NELL1: variants seen among roughly 807,000 people sequenced by gnomAD.
NELL1 encodes the protein protein kinase C-binding protein NELL1.
In NELL1, 76 loss-of-function variants were observed where a neutral mutation model predicts 107.4. That is an observed-to-expected ratio of 0.71 (90% CI 0.59 to 0.86). NELL1 has a LOEUF of 0.86. Ranked by LOEUF, NELL1 falls within the 40% of genes least tolerant of loss-of-function variation. The pLI is 0.00. For synonymous variants in NELL1, 353 were observed against 341.2 expected, an observed-to-expected ratio of 1.03 and a Z score of -0.38; for missense variants, 1,024 against 1,005.5, an observed-to-expected ratio of 1.02 and a Z score of -0.25.
intron 2 of NELL1, 39 bp from the exon 3 acceptor site, chr11:20,783,641 C>T (rs1856894805): frequency 2.0e-6 from 3 of 1,523,366 alleles, no homozygotes; most frequent in Non-Finnish European, 1.8e-6. Context: ...TTCCTCTTCT[C>T]CTCTCCTGTT....
At chr11:21,298,335 A>G (rs1392224674) in intron 14 of NELL1, among the ~76,000 whole-genome samples, 1 of 151,846 alleles carries the variant, frequency 6.6e-6, no homozygotes, top group East Asian at 1.9e-4. Flanking sequence ...CTCTGAGCTC[A>G]TGTTTTATCA....
At chr11:21,487,907 A>G (rs894731122) in intron 15 of NELL1, among the ~76,000 whole-genome samples, 22 of 152,204 alleles carry the variant, frequency 1.4e-4, no homozygotes, top group African/African-American at 5.1e-4. Context: ...AACAGACTTT[A>G]CATCAAAAAC....
chr11:21,078,651 G>C (rs772852386), intron 12 of NELL1, among the ~76,000 whole-genome samples: 55 of 152,152 alleles, frequency 3.6e-4, no homozygotes, highest in Admixed American at 1.6e-3. Context: ...CATACACACA[G>C]AGATACACAC....
At chr11:20,930,056 A>G (rs1279163577) in intron 9 of NELL1, among the ~76,000 whole-genome samples, 1 of 152,058 alleles carries the variant, frequency 6.6e-6, no homozygotes, top group Non-Finnish European at 1.5e-5. Context: ...GAGTTCCTGC[A>G]TAGATCTCTG....
intron 2 of NELL1, among the ~76,000 whole-genome samples, chr11:20,749,313 G>T (rs1026818866): frequency 1.3e-5 from 2 of 151,994 alleles, no homozygotes; most frequent in African/African-American, 4.8e-5. Context: ...AAAAATTAAG[G>T]TATAGGTTGT....
chr11:20,796,529 C>T (rs566040168), intron 3 of NELL1, among the ~76,000 whole-genome samples: 1 of 131,266 alleles, frequency 7.6e-6, no homozygotes, highest in East Asian at 2.3e-4. Context: ...ATGAAGGGAG[C>T]AAATTGGAGA....
chr11:21,383,907 G>A (rs981814242), intron 15 of NELL1: 19 of 151,742 alleles, frequency 1.3e-4, no homozygotes, highest in African/African-American at 4.1e-4. Flanking sequence ...TATGGCCATA[G>A]ACTCATATTG....
intron 14 of NELL1, among the ~76,000 whole-genome samples, chr11:21,233,391 C>T (rs1277775921): frequency 6.6e-6 from 1 of 152,116 alleles, no homozygotes; most frequent in Non-Finnish European, 1.5e-5. Flanking sequence ...CCCTCCCTTT[C>T]CTCCTTTTCT....
At chr11:21,224,470 C>G (rs1243624413) in intron 13 of NELL1, among the ~76,000 whole-genome samples, 2 of 151,582 alleles carry the variant, frequency 1.3e-5, no homozygotes, top group African/African-American at 4.9e-5. Context: ...ATCCTCCTGT[C>G]TCAGCCTCCC....
chr11:20,916,295 G>C (rs1056933685), intron 5 of NELL1, among the ~76,000 whole-genome samples: 2 of 151,922 alleles, frequency 1.3e-5, no homozygotes, highest in African/African-American at 4.8e-5. Context: ...AGACAGGGAA[G>C]TAAGGAGAGA....
At chr11:20,859,032 T>G (rs1848931535) in intron 4 of NELL1, among the ~76,000 whole-genome samples, 1 of 152,220 alleles carries the variant, frequency 6.6e-6, no homozygotes, top group Non-Finnish European at 1.5e-5. Flanking sequence ...TTACCCCTGT[T>G]AGTACCTGTG....
Position 21,081,822 on chromosome 11 carries a change from T to TGAATAC in NELL1, c.1301-31766_1301-31761dup, listed in dbSNP as rs373178528. ...CGTAAAAAGTATAAATTAAATCATG[T>TGAATAC]GAATACTAACTGTGTGTTCAGGGAC... On this transcript the variant is annotated intron_variant, in intron 12 of 19. Coordinates refer to ENST00000357134, the MANE Select transcript of NELL1 (RefSeq NM_006157.5). Among the ~76,000 whole-genome samples the TGAATAC allele has an allele frequency of 3.6e-3, 542 of 152,330 alleles. 2 individuals carry two copies. Among genetic ancestry groups the TGAATAC allele is most frequent in the Non-Finnish European group, 6.3e-3 (429 of 68,028 alleles).
intron 14 of NELL1, among the ~76,000 whole-genome samples, chr11:21,321,434 G>T (rs1286834503): frequency 6.6e-6 from 1 of 152,108 alleles, no homozygotes; most frequent in African/African-American, 2.4e-5. Flanking sequence ...GGCAGGGGAG[G>T]AGGTCAACCA....
intron 2 of NELL1, among the ~76,000 whole-genome samples, chr11:20,770,357 G>A (rs1344886979): frequency 6.6e-6 from 1 of 152,156 alleles, no homozygotes; most frequent in African/African-American, 2.4e-5. Flanking sequence ...AAGAAAAACA[G>A]CAAGTCTGCC....
rs533293833 is a variant in NELL1 at position 21,311,522 on chromosome 11, C to T, written c.1550-59331C>T. Among the ~76,000 whole-genome samples, 3 of 152,082 alleles carry T rather than the reference C, an allele frequency of 2.0e-5. No individual in the cohort carries two copies. In the South Asian group the frequency reaches 6.2e-4, roughly 31 times the overall value. On this transcript the variant is annotated intron_variant, in intron 14 of 19. Transcript: ENST00000357134. The stretch of plus-strand genomic sequence containing the variant: ...TCTCTTTTTACACAAATATTAACAA[C>T]CTGCCACTGTGTAGCCGGGATCCTG...
intron 15 of NELL1, among the ~76,000 whole-genome samples, chr11:21,462,615 C>A (rs1223793105): frequency 1.3e-5 from 2 of 151,898 alleles, no homozygotes; most frequent in African/African-American, 2.4e-5. Flanking sequence ...AATCCATCAC[C>A]CCATTTTTTC....
intron 12 of NELL1, among the ~76,000 whole-genome samples, chr11:21,015,223 G>A (rs1852538077): frequency 6.6e-6 from 1 of 151,980 alleles, no homozygotes; most frequent in Admixed American, 6.6e-5. Flanking sequence ...ACATGACTGG[G>A]ATGCCTGTAC....
At chr11:21,379,483 A>T (rs1851560663) in intron 15 of NELL1, among the ~76,000 whole-genome samples, 1 of 152,110 alleles carries the variant, frequency 6.6e-6, no homozygotes, top group African/African-American at 2.4e-5. Flanking sequence ...GGATATCGGT[A>T]AAAAGCAAAC....
chr11:21,338,048 C>T (rs1850476883), intron 14 of NELL1, among the ~76,000 whole-genome samples: 1 of 151,884 alleles, frequency 6.6e-6, no homozygotes, highest in African/African-American at 2.4e-5. Context: ...TATTCTGTGA[C>T]AGGTTGTTTC....
Sources: gnomAD v4.1 joint callset for allele counts (sites outside exome capture counted in the v4.1 genomes callset) on GRCh38, gnomAD v4.1.1 for gene constraint, MANE v1.5 for transcripts, NCBI Gene and HGNC (gene_info 2026-07-23, HGNC 2026-07-21) for gene names.